Variants in N4BP2L1 observed in about 807,000 individuals in gnomAD.
N4BP2L1 encodes the protein NEDD4 binding protein 2 like 1, also known as NEDD4-binding protein 2-like 1.
Under a neutral mutation model 21.2 loss-of-function variants are expected in N4BP2L1, and 12 were observed. That is an observed-to-expected ratio of 0.57 (90% CI 0.36 to 0.92). The LOEUF is 0.92. Among genes scored for constraint, N4BP2L1 ranks in the 40% least tolerant of loss-of-function variants. The pLI, the probability that N4BP2L1 is intolerant of heterozygous loss-of-function variation, is 0.01. For missense variants in N4BP2L1, 259 were observed against 310.6 expected, an observed-to-expected ratio of 0.83 and a Z score of 1.25; for synonymous variants, 104 against 112.8, an observed-to-expected ratio of 0.92 and a Z score of 0.49.
intron 1 of N4BP2L1, among the ~76,000 whole-genome samples, chr13:32,413,786 G>A (rs928246223): frequency 2.0e-5 from 3 of 151,566 alleles, no homozygotes; most frequent in African/African-American, 7.3e-5. Context: ...CTTCTTTCCA[G>A]GACTGGAAAT....
rs779951081 is a variant in N4BP2L1, at chr13:32,407,238, A to ATT, written c.396+11_396+12insAA. ...TCCATAACTGAAAATTCAGAATGAT[A>ATT]CTTCTTCCTACCATGACTGCATAGG... On this transcript the variant is annotated intron_variant, in intron 3 of 4. Coordinates refer to ENST00000380130, the MANE Select transcript of N4BP2L1 (RefSeq NM_052818.3). 2 of 1,612,558 alleles carry ATT rather than the reference A, an allele frequency of 1.2e-6. No individual in the cohort carries two copies. Among genetic ancestry groups the ATT allele is most frequent in the East Asian group, 4.5e-5 (2 of 44,868 alleles).
chr13:32,415,669 C>G (rs551926980), intron 1 of N4BP2L1, among the ~76,000 whole-genome samples: 11 of 152,254 alleles, frequency 7.2e-5, no homozygotes, highest in African/African-American at 2.4e-4. Flanking sequence ...GACTCCTAAT[C>G]AGGAGTTTTT....
At chr13:32,427,438 G>A (rs1444757850) in intron 1 of N4BP2L1, among the ~76,000 whole-genome samples, 2 of 152,236 alleles carry the variant, frequency 1.3e-5, no homozygotes, top group Admixed American at 1.3e-4. Flanking sequence ...AGCGGGGCCC[G>A]GCGGTTTTCT....
At position 32,407,688 on chromosome 13, in the gene N4BP2L1, A is replaced by G; in HGVS notation, c.264T>C (p.Asn88=). ...FFREDGAYEF[N]PDFLEEAHEW... ...CATGAGCTTCCTCCAGGAAGTCAGG[A>G]TTGAACTCATAGGCACCATCTTCCC... Residue 88 remains asparagine (N), a synonymous_variant, in exon 2 of 5, where the codon AAT becomes AAC. Coordinates refer to ENST00000380130, the MANE Select transcript of N4BP2L1 (RefSeq NM_052818.3). The G allele has an allele frequency of 6.2e-7, 1 of 1,614,052 alleles. No individual in the cohort carries two copies. The highest frequency in any genetic ancestry group is 8.5e-7 in the Non-Finnish European group (1 of 1,180,028).
Position 32,421,005 on chromosome 13 carries a change from T to C in N4BP2L1, c.179+6899A>G, listed in dbSNP as rs2074445917. On this transcript the variant is annotated intron_variant, in intron 1 of 4. Coordinates refer to ENST00000380130, the MANE Select transcript of N4BP2L1 (RefSeq NM_052818.3). ...GCCACCATGCCCAGCCTCATTCTTT[T>C]ACATTTCTCTTTATGTGAATAATCT... 2.6e-5 allele frequency among the ~76,000 whole-genome samples: 4 copies of C among 152,362 alleles called. No homozygotes were observed. The South Asian group carries it at 8.3e-4, about 32-fold the overall frequency.
intron 2 of N4BP2L1, 140 bp from the exon 3 acceptor site, chr13:32,407,478 T>C: frequency 6.3e-7 from 1 of 1,577,126 alleles, no homozygotes; most frequent in East Asian, 2.3e-5. Context: ...CAATCAATAA[T>C]TTTCTTTCTC....
At chr13:32,412,641 CAAA>C (rs777196869) in intron 1 of N4BP2L1, among the ~76,000 whole-genome samples, 9 of 101,010 alleles carry the variant, frequency 8.9e-5, no homozygotes, top group Admixed American at 1.0e-4. Flanking sequence ...TCAACTGTCT[CAAA>C]AAAAAAAAAA....
At chr13:32,406,083 T>G (rs986191056) in intron 3 of N4BP2L1, among the ~76,000 whole-genome samples, 1 of 151,182 alleles carries the variant, frequency 6.6e-6, no homozygotes, top group East Asian at 1.9e-4. Flanking sequence ...TTGTATTTTT[T>G]TTTTTTTAGT....
intron 3 of N4BP2L1, among the ~76,000 whole-genome samples, chr13:32,404,662 T>C (rs964002534): frequency 6.6e-6 from 1 of 150,826 alleles, no homozygotes; most frequent in Non-Finnish European, 1.5e-5. Flanking sequence ...TCTTTAAAAA[T>C]AGATGACTGA....
chr13:32,420,955 C>T (rs989601044), intron 1 of N4BP2L1, among the ~76,000 whole-genome samples: 7 of 152,254 alleles, frequency 4.6e-5, no homozygotes, highest in Non-Finnish European at 7.3e-5. Context: ...CTCAGCCTCC[C>T]AAAGTGCTGG....
chr13:32,404,697 C>T (rs74047025), intron 3 of N4BP2L1, among the ~76,000 whole-genome samples: 94 of 151,106 alleles, frequency 6.2e-4, no homozygotes, highest in African/African-American at 2.2e-3. Flanking sequence ...TCCTGAACAC[C>T]GGTATGAATG....
chr13:32,414,984 T>A (rs1018402397), intron 1 of N4BP2L1, among the ~76,000 whole-genome samples: 5 of 152,216 alleles, frequency 3.3e-5, no homozygotes, highest in South Asian at 4.1e-4. Context: ...CATTAATATT[T>A]TAAATTTAGG....
chr13:32,408,051 A>G (rs1283965460), intron 1 of N4BP2L1, among the ~76,000 whole-genome samples: 1 of 152,198 alleles, frequency 6.6e-6, no homozygotes, highest in Non-Finnish European at 1.5e-5. Context: ...AGCGGCAAGA[A>G]CTGACTCAAG....
At chr13:32,411,920 A>G (rs2073882861) in intron 1 of N4BP2L1, 1 of 225,700 alleles carries the variant, frequency 4.4e-6, no homozygotes, top group Admixed American at 6.5e-5. Flanking sequence ...AGATGGAATA[A>G]TATACTCGAT....
intron 4 of N4BP2L1, 95 bp downstream of exon 4, chr13:32,404,226 T>A: frequency 6.3e-7 from 1 of 1,588,084 alleles, no homozygotes; most frequent in Non-Finnish European, 8.6e-7. Flanking sequence ...AAAACTACCA[T>A]GTCCATTTCC....
intron 1 of N4BP2L1, among the ~76,000 whole-genome samples, chr13:32,414,805 G>A (rs964197742): frequency 6.6e-6 from 1 of 152,144 alleles, no homozygotes; most frequent in African/African-American, 2.4e-5. Context: ...GGTTTCTACC[G>A]TTTGCATGTG....
upstream of N4BP2L1, chr13:32,428,292 C>G: frequency 2.4e-6 from 1 of 409,728 alleles, no homozygotes; most frequent in Non-Finnish European, 4.2e-6. Context: ...AGACTCACAG[C>G]CCGGAAAACA....
Position 32,407,635 on chromosome 13 carries a change from A to T in N4BP2L1, c.307+10T>A, listed in dbSNP as rs770269709. On this transcript the variant is annotated intron_variant, in intron 2 of 4. Coordinates refer to ENST00000380130, the MANE Select transcript of N4BP2L1 (RefSeq NM_052818.3). ...AGGGTTTCCCAGGAGTTTGGGAAGG[A>T]ATTTGTCACCTCTTTTTTGGTTCCA... 2.5e-6 allele frequency: 4 copies of T among 1,612,662 alleles called. No homozygotes were observed. The highest frequency in any genetic ancestry group is 3.4e-6 in the Non-Finnish European group (4 of 1,180,012).
rs1330116968 is a variant in N4BP2L1 at position 32,402,921 on chromosome 13, G to T, written c.*21C>A. On this transcript the variant is annotated 3_prime_UTR_variant, in exon 5 of 5. Coordinates refer to ENST00000380130, the MANE Select transcript of N4BP2L1 (RefSeq NM_052818.3). ...GTAGAAACTGACTTAGGAAAATTCT[G>T]CCTGGCTGTAAGATAGGCCTCTAAT... 1 of 1,529,596 alleles carries T rather than the reference G, an allele frequency of 6.5e-7. No homozygotes were observed. Among genetic ancestry groups the T allele is most frequent in the Admixed American group, 2.2e-5 (1 of 46,494 alleles). 94.8% of individuals were successfully genotyped at this position (1,529,596 alleles called of 1,614,324 possible). A position where few individuals can be genotyped will look rare whatever the true frequency, so the allele number is the denominator to read the frequency against.
Sources: gnomAD v4.1 joint callset for allele counts (sites outside exome capture counted in the v4.1 genomes callset) on GRCh38, gnomAD v4.1.1 for gene constraint, MANE v1.5 for transcripts, NCBI Gene and HGNC (gene_info 2026-07-23, HGNC 2026-07-21) for gene names.